Variants in CCDC32 observed in about 807,000 individuals in gnomAD.
CCDC32 encodes coiled-coil domain containing 32, also known as coiled-coil domain-containing protein 32.
Under a neutral mutation model 20.1 loss-of-function variants are expected in CCDC32, and 9 were observed. The observed-to-expected ratio is 0.45, with a 90% CI of 0.27 to 0.78. The LOEUF is 0.78. Among genes scored for constraint, CCDC32 ranks in the 30% least tolerant of loss-of-function variants. The pLI is 0.16. For missense variants in CCDC32, 204 were observed against 215.5 expected (o/e 0.95, Z 0.33); for synonymous variants, 63 against 79.0 (o/e 0.80, Z 1.07).
At chr15:40,564,088 G>A (rs927520305) in intron 1 of CCDC32, among the ~76,000 whole-genome samples, 1 of 152,142 alleles carries the variant, frequency 6.6e-6, no homozygotes, top group Non-Finnish European at 1.5e-5. Flanking sequence ...CCAAAGTGCT[G>A]GGATTACAGG....
intron 3 of CCDC32, chr15:40,557,015 A>G (rs1471196208): frequency 1.1e-5 from 6 of 532,852 alleles, no homozygotes; most frequent in Admixed American, 3.8e-5. Context: ...ATTAGTTACT[A>G]CTTTCTCAAG....
At chr15:40,536,762 T>A (rs923006860), downstream of CCDC32, 1 of 152,044 alleles carries the variant, frequency 6.6e-6, no homozygotes, top group Non-Finnish European at 1.5e-5. Context: ...GCTCTGGAGG[T>A]TCACAGGTCA....
downstream of CCDC32, chr15:40,538,924 TG>T: frequency 5.2e-6 from 2 of 386,550 alleles, no homozygotes; most frequent in South Asian, 6.4e-5. Context: ...CGCTGCCAAC[TG>T]GGGGCCTGAG....
chr15:40,528,910 C>A, intron 3 of CCDC32: 1 of 627,444 alleles, frequency 1.6e-6, no homozygotes. Context: ...CCACCTCTGG[C>A]TCCAGCACGT....
chr15:40,548,228 T>G (rs958549149), downstream of CCDC32, among the ~76,000 whole-genome samples: 3 of 152,188 alleles, frequency 2.0e-5, no homozygotes, highest in African/African-American at 7.2e-5. Flanking sequence ...GAAGGGACAT[T>G]TTCTTGCAGT....
At chr15:40,529,233 G>A (rs930768) in intron 3 of CCDC32, among the ~76,000 whole-genome samples, 150,283 of 152,354 alleles carry the variant, frequency 0.99, 74,142 homozygotes, top group East Asian at 1. Flanking sequence ...GTGGTTTGCC[G>A]GTGTTTTCAG....
chr15:40,557,076 A>T lies in CCDC32; in HGVS notation c.401+140T>A, dbSNP rs923564664. On this transcript the variant is annotated intron_variant, in intron 3 of 3. Transcript: ENST00000416810. ...CAATGCTTTATCCTTAACTCTATTCAATCTGTGACCAACACGTAGCTGCAG... is the reference window on the plus strand; with the variant it reads ...CAATGCTTTATCCTTAACTCTATTCTATCTGTGACCAACACGTAGCTGCAG... The T allele has an allele frequency of 1.3e-5, 12 of 909,246 alleles. No individual in the cohort carries two copies. The African/African-American group carries it at 1.9e-4, about 14-fold the overall frequency. The allele number at this position is 909,246 out of a possible 1,614,324, so 56.3% of individuals were successfully genotyped here. A position where few individuals can be genotyped will look rare whatever the true frequency, so the allele number is the denominator to read the frequency against.
downstream of CCDC32, among the ~76,000 whole-genome samples, chr15:40,552,252 C>T (rs992105768): frequency 2.0e-5 from 3 of 151,742 alleles, no homozygotes; most frequent in Non-Finnish European, 2.9e-5. Flanking sequence ...GAGGCTGAGG[C>T]GGGCAGATCA....
chr15:40,532,521 G>T (rs1888918240), downstream of CCDC32, among the ~76,000 whole-genome samples: 1 of 152,044 alleles, frequency 6.6e-6, no homozygotes, highest in African/African-American at 2.4e-5. Flanking sequence ...TTCACCATGA[G>T]CCCATCATCT....
Position 40,553,587 on chromosome 15 carries a change from TA to T in CCDC32, c.*383del. The T allele has an allele frequency of 1.0e-6, 1 of 1,001,646 alleles. No homozygotes were observed. Among genetic ancestry groups the T allele is most frequent in the Non-Finnish European group, 1.2e-6 (1 of 840,978 alleles). 62.0% of individuals were successfully genotyped at this position (1,001,646 alleles called of 1,614,324 possible). A position where few individuals can be genotyped will look rare whatever the true frequency, so the allele number is the denominator to read the frequency against. On this transcript the variant is annotated 3_prime_UTR_variant, in exon 4 of 4. Transcript: ENST00000416810. ...GAGGCAAGAAAATATATGGCTCACT[TA>T]ACTTACACATTACACATAAGAGGCC... is the stretch of plus-strand genomic sequence containing the variant.
chr15:40,562,940 G>C lies in CCDC32; in HGVS notation c.76C>G (p.Leu26Val). 6.2e-7 allele frequency: 1 copy of C among 1,614,230 alleles called. No homozygotes were observed. Among genetic ancestry groups the C allele is most frequent in the Non-Finnish European group, 8.5e-7 (1 of 1,180,050 alleles). The part of the protein sequence containing the change: ...QDLWAEICSC[L>V]PNPEQEDGAN... ...CCATCTTCTTGTTCAGGATTTGGCA[G>C]ACAGGAACAAATTTCAGCCCAGAGA... is the stretch of plus-strand genomic sequence containing the variant. Residue 26 changes from leucine (L) to valine (V), a missense_variant, in exon 2 of 4, where the codon CTG becomes GTG. Transcript: ENST00000416810.
intron 3 of CCDC32, among the ~76,000 whole-genome samples, chr15:40,545,874 G>A (rs146776786): frequency 3.5e-3 from 527 of 152,212 alleles, no homozygotes; most frequent in Non-Finnish European, 6.4e-3. Context: ...TAGCCTTGCC[G>A]CCACACCTCA....
At chr15:40,554,585 A>G (rs1890111112) in intron 3 of CCDC32, among the ~76,000 whole-genome samples, 1 of 152,262 alleles carries the variant, frequency 6.6e-6, no homozygotes, top group Admixed American at 6.5e-5. Flanking sequence ...CAATTATAGC[A>G]CTTACTTGCA....
At chr15:40,539,331 G>T (rs775126247) in exon 4 of CCDC32, 55 of 1,535,520 alleles carry the variant, frequency 3.6e-5, no homozygotes, top group Middle Eastern at 1.7e-4. Context: ...AGCTGCTGCT[G>T]CCAGGGGTTC....
At chr15:40,557,916 G>A (rs1248842423) in intron 2 of CCDC32, 5 of 148,622 alleles carry the variant, frequency 3.4e-5, no homozygotes, top group African/African-American at 1.2e-4. Flanking sequence ...ATCTCTATGT[G>A]TGATTAAATT....
rs181929395 is a variant in CCDC32 at position 40,546,864 on chromosome 15, G to T, written c.402-7509C>A. Among the ~76,000 whole-genome samples the T allele has an allele frequency of 2.0e-3, 299 of 151,982 alleles. 1 individual carries two copies. The highest frequency in any genetic ancestry group is 6.8e-3 in the African/African-American group (280 of 41,424). On this transcript the variant is annotated intron_variant, in intron 3 of 3. Coordinates refer to the CCDC32 transcript ENST00000558113. The stretch of plus-strand genomic sequence containing the variant: ...CTACAGGCACACACCACCAACACCT[G>T]GCTAATTTTTGTATTTTTAGTAGAG...
At chr15:40,555,933 G>A (rs527282531) in intron 3 of CCDC32, among the ~76,000 whole-genome samples, 1 of 152,262 alleles carries the variant, frequency 6.6e-6, no homozygotes, top group African/African-American at 2.4e-5. Flanking sequence ...TCTGTAGGAA[G>A]GATAATATTA....
At chr15:40,550,053 C>G (rs1049571903), downstream of CCDC32, among the ~76,000 whole-genome samples, 2 of 152,166 alleles carry the variant, frequency 1.3e-5, no homozygotes, top group African/African-American at 4.8e-5. Context: ...GGATGCATGC[C>G]TGTGTCACTC....
At chr15:40,543,782 T>A (rs1330522764) in intron 3 of CCDC32, among the ~76,000 whole-genome samples, 1 of 151,974 alleles carries the variant, frequency 6.6e-6, no homozygotes, top group Non-Finnish European at 1.5e-5. Flanking sequence ...GCCCCTCAGC[T>A]CTCTTGGCCT....
Sources: allele counts gnomAD v4.1 joint callset (sites outside exome capture counted in the v4.1 genomes callset), GRCh38; gene constraint gnomAD v4.1.1; transcripts MANE v1.5; gene names NCBI Gene and HGNC (gene_info 2026-07-23, HGNC 2026-07-21).